MYO1B: variants seen among roughly 807,000 people sequenced by gnomAD.
MYO1B encodes the protein myosin IB.
In MYO1B, 72 loss-of-function variants were observed where a neutral mutation model predicts 159.7. That is an observed-to-expected ratio of 0.45 (90% CI 0.37 to 0.55). The LOEUF (loss-of-function observed/expected upper bound fraction) is 0.55, where lower values mean the gene tolerates loss of function less well. Ranked by LOEUF, MYO1B falls within the 20% of genes least tolerant of loss-of-function variation. The probability of loss-of-function intolerance (pLI) is 0.00; values close to 1 mark genes in which losing one functional copy is unlikely to be tolerated. For missense variants in MYO1B, 1,062 were observed against 1,364.8 expected (o/e 0.78, Z 3.50); for synonymous variants, 468 against 473.8 (o/e 0.99, Z 0.16).
At chr2:191,368,602 A>G (rs1197790963) in intron 11 of MYO1B, among the ~76,000 whole-genome samples, 4 of 152,212 alleles carry the variant, frequency 2.6e-5, no homozygotes, top group African/African-American at 9.7e-5. Flanking sequence ...TTAAAAGTAG[A>G]TAAGCACGTA....
At chr2:191,331,289 G>A (rs1294072136) in intron 4 of MYO1B, among the ~76,000 whole-genome samples, 1 of 150,556 alleles carries the variant, frequency 6.6e-6, no homozygotes, top group Admixed American at 6.6e-5. Context: ...TTGTTGAAGG[G>A]ATTTTAGTTA....
chr2:191,273,143 G>A (rs2125727292), intron 1 of MYO1B, among the ~76,000 whole-genome samples: 1 of 152,192 alleles, frequency 6.6e-6, no homozygotes, highest in East Asian at 1.9e-4. Flanking sequence ...TTTTGAGACA[G>A]GGTCTCACTC....
chr2:191,335,622 AT>A (rs1216795124), intron 4 of MYO1B, among the ~76,000 whole-genome samples: 2 of 152,192 alleles, frequency 1.3e-5, no homozygotes, highest in Non-Finnish European at 2.9e-5. Context: ...AAAAATTTTG[AT>A]TTAGTAAATA....
chr2:191,261,576 G>A (rs1481363599), intron 1 of MYO1B, among the ~76,000 whole-genome samples: 1 of 152,222 alleles, frequency 6.6e-6, no homozygotes, highest in Non-Finnish European at 1.5e-5. Flanking sequence ...TGATGGGGCA[G>A]TACCTTCTGG....
intron 1 of MYO1B, among the ~76,000 whole-genome samples, chr2:191,272,528 A>T (rs1309788117): frequency 6.6e-6 from 1 of 152,190 alleles, no homozygotes. Context: ...TTTCTTTCTC[A>T]GGCCACAGAG....
chr2:191,375,652 C>G (rs1037602680), intron 13 of MYO1B, among the ~76,000 whole-genome samples: 1 of 152,038 alleles, frequency 6.6e-6, no homozygotes, highest in Non-Finnish European at 1.5e-5. Context: ...AAATCACAGA[C>G]CATCTTTTCA....
chr2:191,272,923 C>G (rs1411826895), intron 1 of MYO1B, among the ~76,000 whole-genome samples: 4 of 152,120 alleles, frequency 2.6e-5, no homozygotes, highest in Admixed American at 2.6e-4. Flanking sequence ...TTCCTGGTAC[C>G]AGTCTCTTAC....
At chr2:191,325,101 C>T (rs1250132775) in intron 3 of MYO1B, among the ~76,000 whole-genome samples, 1 of 152,044 alleles carries the variant, frequency 6.6e-6, no homozygotes, top group African/African-American at 2.4e-5. Context: ...TTGGGCTTAG[C>T]GTGAAGTTAG....
At chr2:191,332,815 A>G (rs1691577464) in intron 4 of MYO1B, among the ~76,000 whole-genome samples, 1 of 152,182 alleles carries the variant, frequency 6.6e-6, no homozygotes. Flanking sequence ...GGTACAGAGT[A>G]GTTCTTGAAC....
chr2:191,261,292 T>C (rs557782028), intron 1 of MYO1B, among the ~76,000 whole-genome samples: 1 of 152,350 alleles, frequency 6.6e-6, no homozygotes, highest in South Asian at 2.1e-4. Context: ...TCATTTGAAT[T>C]CTTTGGAAAT....
chr2:191,407,519 A>G (rs1696997315), intron 24 of MYO1B: 1 of 152,226 alleles, frequency 6.6e-6, no homozygotes, highest in Non-Finnish European at 1.5e-5. Context: ...CAAGGAAAAA[A>G]TGTGTGAACT....
chr2:191,382,738 ATTTT>A (rs1695117713), intron 14 of MYO1B, among the ~76,000 whole-genome samples: 1 of 152,170 alleles, frequency 6.6e-6, no homozygotes, highest in African/African-American at 2.4e-5. Context: ...CAGTGGATAG[ATTTT>A]CATGTCTTTC....
intron 1 of MYO1B, 130 bp from the exon 2 acceptor site, chr2:191,276,757 G>A (rs1213747400): frequency 6.4e-6 from 7 of 1,093,214 alleles, no homozygotes; most frequent in African/African-American, 1.6e-5. Context: ...AGGGAGGAGA[G>A]GTTATGACAT....
intron 3 of MYO1B, among the ~76,000 whole-genome samples, chr2:191,307,366 C>T (rs1237357619): frequency 6.6e-6 from 1 of 152,078 alleles, no homozygotes; most frequent in Non-Finnish European, 1.5e-5. Flanking sequence ...GTGAGGGTGA[C>T]CAGAGGGCAG....
At position 191,341,398 on chromosome 2, in the gene MYO1B, C is replaced by A. The variant is rs1692212418; in HGVS notation, c.347-63C>A. 9 of 1,400,090 alleles carry A rather than the reference C, an allele frequency of 6.4e-6. No homozygotes were observed. The Admixed American group carries it at 1.6e-4, about 25-fold the overall frequency. The allele number at this position is 1,400,090 out of a possible 1,614,324, so 86.7% of individuals were successfully genotyped here. On this transcript the variant is annotated intron_variant, in intron 4 of 30. Coordinates refer to ENST00000392318, the MANE Select transcript of MYO1B (RefSeq NM_001130158.3). Reference sequence around the variant, plus strand: ...AGTGGGTCTTCTCCCACATTTCCTCCTCCCCAAAAAGATTTTTTAAATTTC... The same window carrying A: ...AGTGGGTCTTCTCCCACATTTCCTCATCCCCAAAAAGATTTTTTAAATTTC...
intron 5 of MYO1B, among the ~76,000 whole-genome samples, chr2:191,344,310 A>G (rs979332231): frequency 3.9e-5 from 6 of 152,170 alleles, no homozygotes. Flanking sequence ...TGGACATGAG[A>G]TAAGAATGGG....
intron 30 of MYO1B, among the ~76,000 whole-genome samples, chr2:191,420,756 C>T (rs1418710259): frequency 2.6e-5 from 4 of 152,132 alleles, no homozygotes; most frequent in Non-Finnish European, 5.9e-5. Flanking sequence ...TAGGTATACA[C>T]GTGTGTACAA....
chr2:191,412,718 A>T (rs916702177), intron 27 of MYO1B, among the ~76,000 whole-genome samples: 1 of 152,250 alleles, frequency 6.6e-6, no homozygotes. Context: ...GATTCCTTGA[A>T]GCAGCAGTTT....
intron 7 of MYO1B, among the ~76,000 whole-genome samples, chr2:191,355,096 G>C (rs1693186026): frequency 6.6e-6 from 1 of 152,214 alleles, no homozygotes; most frequent in South Asian, 2.1e-4. Context: ...CTCTCTTGCT[G>C]ATCTTGGGAA....
Sources: gnomAD v4.1 joint callset for allele counts (sites outside exome capture counted in the v4.1 genomes callset) on GRCh38, gnomAD v4.1.1 for gene constraint, MANE v1.5 for transcripts, NCBI Gene and HGNC (gene_info 2026-07-23, HGNC 2026-07-21) for gene names.